Variants in PTPRD observed in about 807,000 individuals in gnomAD.
The protein encoded by PTPRD is protein tyrosine phosphatase receptor type D.
A neutral mutation model predicts 214.5 loss-of-function variants in PTPRD; 34 were observed. The observed-to-expected ratio is 0.16, with a 90% confidence interval of 0.12 to 0.21. The LOEUF is 0.21. Ranked by LOEUF, PTPRD falls within the 10% of genes least tolerant of loss-of-function variation. The pLI, the probability that PTPRD is intolerant of heterozygous loss-of-function variation, is 1.00. For synonymous variants in PTPRD, 1,128 were observed against 845.7 expected (o/e 1.33, Z -5.79); for missense variants, 2,545 against 2,398.7 (o/e 1.06, Z -1.27).
rs183105137 is a variant in PTPRD, at chr9:8,462,009, C to A, written c.3715-1438G>T. Among the ~76,000 whole-genome samples the A allele has an allele frequency of 7.9e-5, 12 of 151,994 alleles. No individual in the cohort carries two copies. In the East Asian group the frequency reaches 2.0e-3, roughly 25 times the overall value. ...GCATCTCTTGTCCTCTCTTATCTGG[C>A]AAGGTCAGCCCAAGCTTTAACTATC... is the stretch of plus-strand genomic sequence containing the variant. On this transcript the variant is annotated intron_variant, in intron 32 of 45. Transcript: ENST00000381196.
intron 11 of PTPRD, among the ~76,000 whole-genome samples, chr9:8,893,601 C>T (rs556447337): frequency 1.3e-5 from 2 of 152,274 alleles, no homozygotes; most frequent in East Asian, 3.9e-4. Flanking sequence ...CTTTTTGCTA[C>T]ACCTGCTTTG....
At chr9:10,578,124 G>T (rs1048472576) in intron 2 of PTPRD, among the ~76,000 whole-genome samples, 31 of 151,866 alleles carry the variant, frequency 2.0e-4, no homozygotes, top group African/African-American at 6.5e-4. Flanking sequence ...TGGTTAGGTT[G>T]GTCTCAAACT....
intron 11 of PTPRD, among the ~76,000 whole-genome samples, chr9:8,742,740 C>G (rs975792562): frequency 6.6e-6 from 1 of 152,086 alleles, no homozygotes; most frequent in African/African-American, 2.4e-5. Context: ...AAGTGAAGGA[C>G]CTTTTAATTG....
At chr9:9,804,508 A>G (rs914216636) in intron 5 of PTPRD, among the ~76,000 whole-genome samples, 4 of 152,156 alleles carry the variant, frequency 2.6e-5, no homozygotes. Flanking sequence ...TAAATTTTCA[A>G]CCAGAAAGGA....
chr9:10,297,343 C>T (rs2095710251), intron 3 of PTPRD, among the ~76,000 whole-genome samples: 1 of 151,706 alleles, frequency 6.6e-6, no homozygotes, highest in Admixed American at 6.6e-5. Flanking sequence ...ACCATTTTGT[C>T]CTTCAATTTT....
At chr9:9,063,493 G>T (rs192127086) in intron 10 of PTPRD, among the ~76,000 whole-genome samples, 16 of 152,208 alleles carry the variant, frequency 1.1e-4, no homozygotes, top group Admixed American at 2.6e-4. Flanking sequence ...ACTGTAGTAT[G>T]TAATCTTACT....
At chr9:9,963,338 G>C (rs1385058898) in intron 4 of PTPRD, among the ~76,000 whole-genome samples, 4 of 152,104 alleles carry the variant, frequency 2.6e-5, no homozygotes, top group Non-Finnish European at 2.9e-5. Context: ...ATAGATCCCT[G>C]TAAGTCCCAT....
intron 11 of PTPRD, among the ~76,000 whole-genome samples, chr9:9,001,932 T>C (rs2099421429): frequency 6.8e-6 from 1 of 147,938 alleles, no homozygotes; most frequent in Non-Finnish European, 1.5e-5. Flanking sequence ...TCTGCCCACC[T>C]GGCTTCCAAT....
intron 11 of PTPRD, among the ~76,000 whole-genome samples, chr9:8,800,940 C>G (rs2096559248): frequency 6.6e-6 from 1 of 152,072 alleles, no homozygotes; most frequent in Non-Finnish European, 1.5e-5. Context: ...GCTGGGAAAC[C>G]TAGGCAGGCA....
At chr9:8,632,039 A>G (rs925341766) in intron 14 of PTPRD, among the ~76,000 whole-genome samples, 2 of 151,746 alleles carry the variant, frequency 1.3e-5, no homozygotes, top group African/African-American at 2.4e-5. Flanking sequence ...CTGCAACTTA[A>G]TAAGGTGTTT....
At chr9:8,756,215 C>T (rs1344118595) in intron 11 of PTPRD, among the ~76,000 whole-genome samples, 1 of 152,164 alleles carries the variant, frequency 6.6e-6, no homozygotes, top group Non-Finnish European at 1.5e-5. Context: ...AATCACTCCC[C>T]TTCTCTGCCT....
At chr9:9,838,015 G>A (rs991024220) in intron 5 of PTPRD, among the ~76,000 whole-genome samples, 5 of 151,960 alleles carry the variant, frequency 3.3e-5, no homozygotes, top group South Asian at 2.1e-4. Flanking sequence ...GAGAACACAC[G>A]GTGTTTGGTT....
At chr9:10,089,112 T>G (rs2098397800) in intron 3 of PTPRD, among the ~76,000 whole-genome samples, 1 of 151,084 alleles carries the variant, frequency 6.6e-6, no homozygotes, top group Non-Finnish European at 1.5e-5. Context: ...GAGGCTGAGG[T>G]GGAAGGATTG....
At chr9:8,822,857 T>G (rs1216695969) in intron 11 of PTPRD, among the ~76,000 whole-genome samples, 1 of 152,102 alleles carries the variant, frequency 6.6e-6, no homozygotes, top group Non-Finnish European at 1.5e-5. Flanking sequence ...TTACTTAAGC[T>G]ACGGCAATTT....
At chr9:9,711,348 T>C (rs1277984239) in intron 7 of PTPRD, among the ~76,000 whole-genome samples, 1 of 152,112 alleles carries the variant, frequency 6.6e-6, no homozygotes. Context: ...TTTCCAAGAA[T>C]CTACCAACGA....
chr9:9,569,394 T>C (rs1286176734), intron 8 of PTPRD, among the ~76,000 whole-genome samples: 1 of 151,774 alleles, frequency 6.6e-6, no homozygotes, highest in Admixed American at 6.6e-5. Flanking sequence ...TATCATGTGA[T>C]AACAGTGGCA....
intron 11 of PTPRD, among the ~76,000 whole-genome samples, chr9:8,770,358 G>A (rs190818631): frequency 7.5e-4 from 113 of 150,952 alleles, no homozygotes; most frequent in Non-Finnish European, 1.5e-3. Context: ...AAAAAAACAC[G>A]ATCCACTATC....
chr9:8,767,664 A>G (rs1249671199), intron 11 of PTPRD, among the ~76,000 whole-genome samples: 4 of 152,208 alleles, frequency 2.6e-5, no homozygotes, highest in African/African-American at 9.6e-5. Flanking sequence ...ACTTGACCAT[A>G]CAATAGAATT....
intron 11 of PTPRD, among the ~76,000 whole-genome samples, chr9:8,853,794 T>C (rs1365965630): frequency 6.6e-6 from 1 of 152,176 alleles, no homozygotes; most frequent in East Asian, 1.9e-4. Flanking sequence ...AAAACACTGG[T>C]TTTGCTTGAG....
Sources: gnomAD v4.1 joint callset for allele counts (sites outside exome capture counted in the v4.1 genomes callset) on GRCh38, gnomAD v4.1.1 for gene constraint, MANE v1.5 for transcripts, NCBI Gene and HGNC (gene_info 2026-07-23, HGNC 2026-07-21) for gene names.